CDC42EP4: variants seen among roughly 807,000 people sequenced by gnomAD.
The protein encoded by CDC42EP4 is CDC42 effector protein (Rho GTPase binding) 4.
CDC42EP4 carries 6 observed loss-of-function variants against 5.6 expected under a neutral mutation model. The observed-to-expected ratio is 1.07, with a 90% CI of 0.59 to 2.12. The LOEUF is 2.12. Ranked by LOEUF, CDC42EP4 falls within the 30% of genes most tolerant of loss-of-function variation. The pLI is 0.00. For missense variants in CDC42EP4, 490 were observed against 508.6 expected (o/e 0.96, Z 0.35); for synonymous variants, 230 against 224.2 (o/e 1.03, Z -0.23).
rs1306840701 is a variant in CDC42EP4 at position 73,285,203 on chromosome 17, T to C, written c.*227A>G. The stretch of plus-strand genomic sequence containing the variant: ...CAGCCCTTGTCCCACGCAGCCTAAG[T>C]GCAGGGAGCATGATGAAGTCAGGCA... On this transcript the variant is annotated 3_prime_UTR_variant, in exon 2 of 2. Coordinates refer to ENST00000335793, the MANE Select transcript of CDC42EP4 (RefSeq NM_012121.5). The surrounding 1 kb of genome is among the most constrained non-coding windows in gnomAD (Gnocchi z 6.8). 3 of 431,454 alleles carry C rather than the reference T, an allele frequency of 7.0e-6. No homozygotes were observed. The highest frequency in any genetic ancestry group is 5.9e-5 in the South Asian group (1 of 17,002). 26.7% of individuals were successfully genotyped at this position (431,454 alleles called of 1,614,324 possible).
chr17:73,292,193 C>A (rs1264996107), intron 1 of CDC42EP4, among the ~76,000 whole-genome samples: 1 of 152,270 alleles, frequency 6.6e-6, no homozygotes, highest in African/African-American at 2.4e-5. Context: ...TCAATGCCCA[C>A]TGCCACTGCC....
intron 1 of CDC42EP4, among the ~76,000 whole-genome samples, chr17:73,292,008 CAGA>C (rs1024265829): frequency 6.6e-5 from 10 of 152,342 alleles, no homozygotes; most frequent in Non-Finnish European, 1.0e-4. Context: ...AGACCCAGAG[CAGA>C]AGGACAGACG....
intron 1 of CDC42EP4, among the ~76,000 whole-genome samples, chr17:73,289,580 C>T (rs2062150666): frequency 6.6e-6 from 1 of 151,302 alleles, no homozygotes; most frequent in African/African-American, 2.4e-5. Context: ...AAAAAACCAC[C>T]AAAAAGCCAC....
chr17:73,299,586 G>A (rs74575179), intron 1 of CDC42EP4, among the ~76,000 whole-genome samples: 158 of 152,102 alleles, frequency 1.0e-3, no homozygotes, highest in African/African-American at 3.7e-3. Context: ...TTACAAGCAC[G>A]AACCGTTGCA....
At chr17:73,293,468 TC>T (rs1481934978) in intron 1 of CDC42EP4, among the ~76,000 whole-genome samples, 1 of 152,142 alleles carries the variant, frequency 6.6e-6, no homozygotes, top group African/African-American at 2.4e-5. Flanking sequence ...CTCCAGGCCT[TC>T]CAGGGGCAGC....
Position 73,286,405 on chromosome 17 carries a change from G to A in CDC42EP4, c.96C>T (p.Gly32=), listed in dbSNP as rs367638727. Residue 32 remains glycine (G), a synonymous_variant, in exon 2 of 2, where the codon GGC becomes GGT. Transcript: ENST00000335793. The surrounding 1 kb of genome is among the most constrained non-coding windows in gnomAD (Gnocchi z 7.7). Reference sequence around the variant, plus strand: ...CAACGTGCATGGTGTGGCGGAAGTCGCCCAGCGGGGCGCTGATCATCTCGG... The same window carrying A: ...CAACGTGCATGGTGTGGCGGAAGTCACCCAGCGGGGCGCTGATCATCTCGG... ...LTAEMISAPL[G]DFRHTMHVGR... is the part of the protein sequence containing the mutation. The A allele has an allele frequency of 2.8e-5, 45 of 1,613,844 alleles. No homozygotes were observed. The highest frequency in any genetic ancestry group is 2.7e-4 in the East Asian group (12 of 44,872).
chr17:73,306,340 A>AAG lies in CDC42EP4; in HGVS notation c.-113+5552_-113+5553insCT, dbSNP rs1389531770. The stretch of plus-strand genomic sequence containing the variant: ...GTGAGACCCTGTCTCTAAAAAAAAA[A>AAG]AAAAAAATTAAATTAGCCAGGCATG... On this transcript the variant is annotated intron_variant, in intron 1 of 1. Coordinates refer to ENST00000335793, the MANE Select transcript of CDC42EP4 (RefSeq NM_012121.5). Among the ~76,000 whole-genome samples, 3 of 151,796 alleles carry AAG rather than the reference A, an allele frequency of 2.0e-5. No homozygotes were observed. The East Asian group carries it at 5.8e-4, about 29-fold the overall frequency.
chr17:73,303,722 G>A (rs1348877053), intron 1 of CDC42EP4, among the ~76,000 whole-genome samples: 1 of 150,310 alleles, frequency 6.7e-6, no homozygotes, highest in African/African-American at 2.5e-5. Context: ...ATGGCTCCTA[G>A]AAAGCATAAA....
At chr17:73,287,571 G>A (rs938512989) in intron 1 of CDC42EP4, among the ~76,000 whole-genome samples, 1 of 152,100 alleles carries the variant, frequency 6.6e-6, no homozygotes, top group Non-Finnish European at 1.5e-5. Flanking sequence ...TCAGCATTGG[G>A]GCCAAACCAG....
rs1358703508 is a variant in CDC42EP4, at chr17:73,286,651, C to G, written c.-112-39G>C. The G allele has an allele frequency of 4.8e-6, 3 of 622,880 alleles. No homozygotes were observed. The African/African-American group carries it at 5.5e-5, about 11-fold the overall frequency. 38.6% of individuals were successfully genotyped at this position (622,880 alleles called of 1,614,324 possible). A position where few individuals can be genotyped will look rare whatever the true frequency, so the allele number is the denominator to read the frequency against. On this transcript the variant is annotated intron_variant, in intron 1 of 1. Transcript: ENST00000335793. This position sits in a 1 kb window ranked among gnomAD's most constrained non-coding sequence, Gnocchi z 7.7. The stretch of plus-strand genomic sequence containing the variant: ...ATGAGAGGCAAAGGATTAACGCGGG[C>G]TGGCCACACGGCACAAAAGCCTCTT...
intron 1 of CDC42EP4, among the ~76,000 whole-genome samples, chr17:73,291,788 C>T (rs927213270): frequency 3.3e-5 from 5 of 152,150 alleles, no homozygotes; most frequent in African/African-American, 7.2e-5. Context: ...CCTGAGCCTC[C>T]GGAGGAACAG....
intron 1 of CDC42EP4, chr17:73,311,524 G>A (rs567209910): frequency 6.6e-6 from 1 of 152,318 alleles, no homozygotes; most frequent in Non-Finnish European, 1.5e-5. Flanking sequence ...TGGGAAGGGG[G>A]AGGCCCTTTA....
intron 1 of CDC42EP4, chr17:73,311,441 C>G (rs1373180633): frequency 6.6e-6 from 1 of 152,550 alleles, no homozygotes. Flanking sequence ...CACACACGCC[C>G]CCCTCGCGGA....
chr17:73,288,459 A>C (rs1223198402), intron 1 of CDC42EP4, among the ~76,000 whole-genome samples: 2 of 146,998 alleles, frequency 1.4e-5, no homozygotes, highest in African/African-American at 5.1e-5. Context: ...GAGTTTCACC[A>C]TGTTGGTCAG....
chr17:73,288,283 C>T (rs1428416448), intron 1 of CDC42EP4, among the ~76,000 whole-genome samples: 2 of 152,186 alleles, frequency 1.3e-5, no homozygotes, highest in African/African-American at 2.4e-5. Flanking sequence ...GCCCTGTCCC[C>T]CAGGCCGGAG....
intron 1 of CDC42EP4, among the ~76,000 whole-genome samples, chr17:73,288,808 C>T (rs1387482818): frequency 2.6e-5 from 4 of 152,328 alleles, no homozygotes; most frequent in Middle Eastern, 3.4e-3. Flanking sequence ...CCCCCACCAG[C>T]AATGTCCCCC....
intron 1 of CDC42EP4, among the ~76,000 whole-genome samples, chr17:73,296,749 G>C (rs932450103): frequency 1.3e-5 from 2 of 151,780 alleles, no homozygotes; most frequent in African/African-American, 4.8e-5. Flanking sequence ...TTGGGAGGCC[G>C]AGGAGGGTGG....
At chr17:73,299,302 C>T (rs1054446178) in intron 1 of CDC42EP4, among the ~76,000 whole-genome samples, 18 of 151,520 alleles carry the variant, frequency 1.2e-4, no homozygotes, top group African/African-American at 1.7e-4. Context: ...TGGTGGTGGG[C>T]GCCTGTAGTC....
chr17:73,289,719 AAGGGAGGAAGGGAGGG>A (rs2062151275), intron 1 of CDC42EP4, among the ~76,000 whole-genome samples: 1 of 65,946 alleles, frequency 1.5e-5, no homozygotes, highest in Non-Finnish European at 3.4e-5. Context: ...AGAAAACAGG[AAGGGAGGAAGGGAGGG>A]AGGGAGGAAG....
Sources: allele counts gnomAD v4.1 joint callset (sites outside exome capture counted in the v4.1 genomes callset), GRCh38; gene constraint gnomAD v4.1.1; non-coding constraint Gnocchi (gnomAD v3.1); transcripts MANE v1.5; gene names NCBI Gene and HGNC (gene_info 2026-07-23, HGNC 2026-07-21).